MCM10: variants seen among roughly 807,000 people sequenced by gnomAD.
MCM10 encodes the protein minichromosome maintenance 10 replication initiation factor.
Under a neutral mutation model 109.9 loss-of-function variants are expected in MCM10, and 91 were observed. The ratio of observed to expected loss-of-function variants is 0.83; its 90% CI spans 0.70 to 0.99. MCM10 has a LOEUF of 0.99. Ranked by LOEUF, MCM10 falls within the 50% of genes least tolerant of loss-of-function variation. MCM10 has a pLI of 0.00. For missense variants in MCM10, 1,077 were observed against 1,061.2 expected (o/e 1.01, Z -0.21); for synonymous variants, 380 against 387.2 (o/e 0.98, Z 0.22).
chr10:13,201,893 A>C, intron 17 of MCM10: 2 of 219,180 alleles, frequency 9.1e-6, no homozygotes, highest in South Asian at 8.8e-5. Flanking sequence ...CCGTGGTTGA[A>C]CCCCCTGGCC....
At chr10:13,177,942 A>G (rs891080599) in intron 6 of MCM10, among the ~76,000 whole-genome samples, 3 of 151,994 alleles carry the variant, frequency 2.0e-5, no homozygotes, top group Admixed American at 6.5e-5. Flanking sequence ...GATGGCAGCA[A>G]GATTGTTTGG....
At chr10:13,198,937 C>CA in intron 16 of MCM10, 130 bp downstream of exon 16, 1 of 645,976 alleles carries the variant, frequency 1.5e-6, no homozygotes, top group Non-Finnish European at 2.7e-6. Context: ...AGTCTGTGGC[C>CA]CAGGCTGAAG....
At chr10:13,195,413 CT>C (rs1387816424) in intron 14 of MCM10, 144 bp downstream of exon 14, 2 of 645,468 alleles carry the variant, frequency 3.1e-6, no homozygotes, top group African/African-American at 3.7e-5. Flanking sequence ...CAACATAATA[CT>C]AAAAGAAAGT....
intron 17 of MCM10, among the ~76,000 whole-genome samples, chr10:13,202,520 C>T (rs1834513784): frequency 6.6e-6 from 1 of 152,114 alleles, no homozygotes; most frequent in Non-Finnish European, 1.5e-5. Flanking sequence ...TGTCTTATTC[C>T]TTTTAACACT....
chr10:13,177,678 C>T (rs1488365555), intron 6 of MCM10, among the ~76,000 whole-genome samples: 1 of 151,852 alleles, frequency 6.6e-6, no homozygotes, highest in Non-Finnish European at 1.5e-5. Context: ...TTGAGACCAG[C>T]CTGGGCAACA....
chr10:13,206,985 C>CT (rs35994988), intron 18 of MCM10, among the ~76,000 whole-genome samples: 1 of 151,724 alleles, frequency 6.6e-6, no homozygotes, highest in South Asian at 2.1e-4. Flanking sequence ...TTTTAATTTA[C>CT]TTTTTTTTAT....
At chr10:13,178,679 T>A (rs1328566827) in intron 6 of MCM10, among the ~76,000 whole-genome samples, 2 of 152,254 alleles carry the variant, frequency 1.3e-5, no homozygotes, top group African/African-American at 4.8e-5. Flanking sequence ...CGGGATTGCT[T>A]TGGCTATTTT....
chr10:13,207,150 G>A (rs1162123960), intron 18 of MCM10, among the ~76,000 whole-genome samples: 2 of 152,152 alleles, frequency 1.3e-5, no homozygotes, highest in Non-Finnish European at 2.9e-5. Flanking sequence ...CCTGTAAAAT[G>A]TCAGTGGTGA....
Position 13,188,919 on chromosome 10 carries a change from G to T in MCM10, c.1254G>T (p.Gln418His). 1 of 1,614,212 alleles carries T rather than the reference G, an allele frequency of 6.2e-7. No individual in the cohort carries two copies. Among genetic ancestry groups the T allele is most frequent in the Non-Finnish European group, 8.5e-7 (1 of 1,180,030 alleles). The change falls in exon 10 of 20, where the codon CAG becomes CAT. Residue 418 changes from glutamine (Q) to histidine (H), a missense_variant. Physicochemically the swap from Gln to His is conservative, Grantham distance 24 (BLOSUM62 0). Transcript: ENST00000378714. ...CEYCQYHVQA[Q>H]YKKLSAKRAD... ...ACTGTCAGTACCATGTCCAGGCTCA[G>T]TACAAGAAGCTCAGCGCAAAGCGTG...
intron 17 of MCM10, among the ~76,000 whole-genome samples, chr10:13,202,040 C>T (rs1399710876): frequency 6.6e-6 from 1 of 152,156 alleles, no homozygotes; most frequent in African/African-American, 2.4e-5. Flanking sequence ...ATTCTAAGTC[C>T]TCTATTCTTC....
intron 17 of MCM10, among the ~76,000 whole-genome samples, chr10:13,202,529 CT>C: frequency 6.6e-6 from 1 of 152,340 alleles, no homozygotes; most frequent in Non-Finnish European, 1.5e-5. Flanking sequence ...CCTTTTAACA[CT>C]TTAGCTCTCC....
Position 13,172,793 on chromosome 10 carries a change from G to A in MCM10, c.592+28G>A. ...GTAGTACTTGCGGTCTCAGTATCTT[G>A]GCACTATTGTATGTGTTTATGTGTG... On this transcript the variant is annotated intron_variant, in intron 5 of 19. Transcript: ENST00000378714. The surrounding 1 kb of genome is among the most constrained non-coding windows in gnomAD (Gnocchi z 5.2). The A allele has an allele frequency of 6.2e-7, 1 of 1,612,548 alleles. No homozygotes were observed. The highest frequency in any genetic ancestry group is 1.1e-5 in the South Asian group (1 of 90,906).
rs565165587 is a variant in MCM10, at chr10:13,199,339, T to C, written c.2238+532T>C. 2.6e-5 allele frequency among the ~76,000 whole-genome samples: 4 copies of C among 152,386 alleles called. 1 individual carries two copies. The East Asian group carries it at 7.7e-4, about 29-fold the overall frequency. ...CTGAAGAATATCATTTGATTTAACA[T>C]GACTTAAATAGATATCAATATTATA... On this transcript the variant is annotated intron_variant, in intron 16 of 19. Coordinates refer to ENST00000378714, the MANE Select transcript of MCM10 (RefSeq NM_018518.5).
intron 7 of MCM10, among the ~76,000 whole-genome samples, chr10:13,181,963 G>A (rs1034980184): frequency 6.6e-6 from 1 of 152,166 alleles, no homozygotes; most frequent in East Asian, 1.9e-4. Flanking sequence ...GATAGTGCAA[G>A]TCAAGATTAT....
rs1834500865 is a variant in MCM10 at position 13,201,611 on chromosome 10, T to A, written c.2352+77T>A. The A allele has an allele frequency of 5.6e-6, 6 of 1,072,538 alleles. No homozygotes were observed. The South Asian group carries it at 6.8e-5, about 12-fold the overall frequency. The allele number at this position is 1,072,538 out of a possible 1,614,324, so 66.4% of individuals were successfully genotyped here. ...GTGACTCGGCAGCATGTGGAGAACCTGTGGGATCTGGGGCCCTATCTCGTG... is the reference window on the plus strand; with the variant it reads ...GTGACTCGGCAGCATGTGGAGAACCAGTGGGATCTGGGGCCCTATCTCGTG... On this transcript the variant is annotated intron_variant, in intron 17 of 19. Coordinates refer to ENST00000378714, the MANE Select transcript of MCM10 (RefSeq NM_018518.5).
intron 13 of MCM10, 47 bp from the exon 14 acceptor site, chr10:13,194,994 A>G: frequency 3.2e-6 from 5 of 1,563,656 alleles, no homozygotes; most frequent in Non-Finnish European, 4.4e-6. Flanking sequence ...TAGAGTTTTT[A>G]TTTTCGTAAA....
In MCM10 at chr10:13,192,587, A is replaced by C; in HGVS notation, c.1745+19A>C. The C allele has an allele frequency of 6.2e-7, 1 of 1,607,302 alleles. No individual in the cohort carries two copies. The highest frequency in any genetic ancestry group is 8.5e-7 in the Non-Finnish European group (1 of 1,173,912). On this transcript the variant is annotated intron_variant, in intron 13 of 19. Transcript: ENST00000378714. ...AGAAGCGGTAAGAGGAGCAGATTTAATATTCCCCGCTTGGGTCATCCATCT... is the reference window on the plus strand; with the variant it reads ...AGAAGCGGTAAGAGGAGCAGATTTACTATTCCCCGCTTGGGTCATCCATCT...
chr10:13,204,133 A>T, intron 17 of MCM10, 86 bp from the exon 18 acceptor site: 3 of 1,508,358 alleles, frequency 2.0e-6, no homozygotes, highest in Non-Finnish European at 2.7e-6. Context: ...CCAGGTGGTC[A>T]TGGAGCAGAT....
chr10:13,175,826 G>A, intron 6 of MCM10, 145 bp downstream of exon 6: 1 of 592,060 alleles, frequency 1.7e-6, no homozygotes, highest in Non-Finnish European at 2.9e-6. Flanking sequence ...TGGAAGACTA[G>A]CAGTAGCCCT....
Sources: allele counts gnomAD v4.1 joint callset (sites outside exome capture counted in the v4.1 genomes callset), GRCh38; gene constraint gnomAD v4.1.1; non-coding constraint Gnocchi (gnomAD v3.1); transcripts MANE v1.5; gene names NCBI Gene and HGNC (gene_info 2026-07-23, HGNC 2026-07-21).